The following CTNNA2 variants were observed in gnomAD, a reference collection of about 807,000 sequenced individuals.
The protein encoded by CTNNA2 is catenin alpha-2.
Under a neutral mutation model 101.0 loss-of-function variants are expected in CTNNA2, and 42 were observed. The observed-to-expected ratio is 0.42, with a 90% CI of 0.32 to 0.54. The LOEUF (loss-of-function observed/expected upper bound fraction) is 0.54, where lower values mean the gene tolerates loss of function less well. Among genes scored for constraint, CTNNA2 ranks in the 20% least tolerant of loss-of-function variants. The pLI is 0.14. For synonymous variants in CTNNA2, 450 were observed against 456.4 expected (o/e 0.99, Z 0.18); for missense variants, 871 against 1,223.1 (o/e 0.71, Z 4.29).
At chr2:79,536,989 G>A (rs911601814) in intron 1 of CTNNA2, among the ~76,000 whole-genome samples, 1 of 152,126 alleles carries the variant, frequency 6.6e-6, no homozygotes, top group African/African-American at 2.4e-5. Context: ...TTACATCTGT[G>A]TCTCTTGGTT....
chr2:80,251,858 C>T (rs1312771077), intron 7 of CTNNA2, among the ~76,000 whole-genome samples: 1 of 152,142 alleles, frequency 6.6e-6, no homozygotes, highest in Non-Finnish European at 1.5e-5. Context: ...CCAACTTTTA[C>T]CAGAAAATTG....
At chr2:79,952,487 T>A (rs1378564852) in intron 7 of CTNNA2, among the ~76,000 whole-genome samples, 2 of 152,210 alleles carry the variant, frequency 1.3e-5, no homozygotes, top group African/African-American at 4.8e-5. Context: ...ATTGAACACT[T>A]TCAAGGGGTG....
intron 7 of CTNNA2, among the ~76,000 whole-genome samples, chr2:80,199,596 G>T (rs1016247803): frequency 6.6e-6 from 1 of 152,210 alleles, no homozygotes; most frequent in African/African-American, 2.4e-5. Flanking sequence ...GAGGGAAAGG[G>T]CAGTACATTT....
rs188228836 is a variant in CTNNA2, at chr2:79,215,886, T to G, written c.-406+17810T>G. On this transcript the variant is annotated intron_variant, in intron 2 of 21. Transcript: ENST00000466387. ...GAAGAATTATGACCTAGCTCGGCCTTGCGAGGAAGGGAGAGGTCAGATGGG... is the reference window on the plus strand; with the variant it reads ...GAAGAATTATGACCTAGCTCGGCCTGGCGAGGAAGGGAGAGGTCAGATGGG... 2.1e-3 allele frequency among the ~76,000 whole-genome samples: 316 copies of G among 151,756 alleles called. 1 individual carries two copies. Among genetic ancestry groups the G allele is most frequent in the African/African-American group, 6.5e-3 (270 of 41,416 alleles).
At chr2:79,870,477 G>A (rs1203741699) in intron 5 of CTNNA2, among the ~76,000 whole-genome samples, 1 of 151,964 alleles carries the variant, frequency 6.6e-6, no homozygotes, top group African/African-American at 2.4e-5. Flanking sequence ...AGGGGAGTGG[G>A]GAAGGGGAGG....
chr2:79,714,810 TG>T lies in CTNNA2; in HGVS notation c.103-29576del, dbSNP rs1685965705. On this transcript the variant is annotated intron_variant, in intron 2 of 18. Coordinates refer to ENST00000402739, the MANE Select transcript of CTNNA2 (RefSeq NM_001282597.3). ...ACTTTTGAAACATTAATTACAGCTCTGTTTTTTGTATAAATTATAAAGGATG... is the reference window on the plus strand; with the variant it reads ...ACTTTTGAAACATTAATTACAGCTCTTTTTTTGTATAAATTATAAAGGATG... 2.6e-5 allele frequency among the ~76,000 whole-genome samples: 4 copies of T among 152,256 alleles called. No individual in the cohort carries two copies. The South Asian group carries it at 8.3e-4, about 32-fold the overall frequency.
At chr2:79,616,721 A>G (rs1035299725) in intron 1 of CTNNA2, among the ~76,000 whole-genome samples, 4 of 152,008 alleles carry the variant, frequency 2.6e-5, no homozygotes, top group Admixed American at 6.6e-5. Context: ...AAAAGACTTT[A>G]TGTTTATATG....
intron 7 of CTNNA2, among the ~76,000 whole-genome samples, chr2:80,105,733 C>CAAA (rs112127356): frequency 1.4e-5 from 2 of 143,120 alleles, no homozygotes; most frequent in African/African-American, 5.2e-5. Context: ...GATCTTGTCT[C>CAAA]AAAAAAAAAA....
At chr2:80,573,284 C>G (rs995453770) in intron 12 of CTNNA2, 1 of 152,166 alleles carries the variant, frequency 6.6e-6, no homozygotes, top group African/African-American at 2.4e-5. Flanking sequence ...GGAGGTGTTC[C>G]AGACGCTCCG....
At chr2:80,584,044 C>G (rs1695762317) in intron 14 of CTNNA2, among the ~76,000 whole-genome samples, 2 of 152,108 alleles carry the variant, frequency 1.3e-5, no homozygotes, top group African/African-American at 4.8e-5. Flanking sequence ...GATGACAAAT[C>G]AGAGACATGG....
chr2:79,643,874 C>A (rs555217399), intron 1 of CTNNA2, among the ~76,000 whole-genome samples: 1 of 152,128 alleles, frequency 6.6e-6, no homozygotes, highest in Non-Finnish European at 1.5e-5. Context: ...CACCCACATT[C>A]TTTTCCATGC....
At chr2:79,804,368 C>T (rs192066241) in intron 3 of CTNNA2, among the ~76,000 whole-genome samples, 36 of 152,270 alleles carry the variant, frequency 2.4e-4, no homozygotes, top group African/African-American at 7.9e-4. Context: ...ACCAAAATCA[C>T]ACAGTCACAC....
chr2:80,533,469 T>G (rs1478462785), intron 9 of CTNNA2, among the ~76,000 whole-genome samples: 1 of 152,202 alleles, frequency 6.6e-6, no homozygotes, highest in Non-Finnish European at 1.5e-5. Flanking sequence ...GATATGGCCT[T>G]GACTCCACAC....
chr2:79,624,421 T>C (rs751701574), intron 1 of CTNNA2, among the ~76,000 whole-genome samples: 75 of 152,136 alleles, frequency 4.9e-4, no homozygotes, highest in Non-Finnish European at 9.0e-4. Context: ...GTAATTAAAA[T>C]TGAAGAATGT....
chr2:80,242,964 GA>G (rs1292687068), intron 7 of CTNNA2, among the ~76,000 whole-genome samples: 1 of 152,274 alleles, frequency 6.6e-6, no homozygotes, highest in African/African-American at 2.4e-5. Context: ...ACAGTTTCTG[GA>G]GGTGCAAAAC....
At chr2:79,206,150 T>C (rs569919319) in intron 2 of CTNNA2, among the ~76,000 whole-genome samples, 2 of 152,302 alleles carry the variant, frequency 1.3e-5, no homozygotes, top group South Asian at 4.1e-4. Context: ...TAGGCATTAC[T>C]AAAATAAAGC....
At chr2:79,720,826 T>C (rs997946619) in intron 2 of CTNNA2, among the ~76,000 whole-genome samples, 9 of 152,116 alleles carry the variant, frequency 5.9e-5, no homozygotes, top group African/African-American at 2.2e-4. Context: ...TCAGGGAAGA[T>C]AGTTTTATTT....
intron 7 of CTNNA2, among the ~76,000 whole-genome samples, chr2:80,075,605 TATACATG>T (rs1698647041): frequency 1.9e-5 from 2 of 107,738 alleles, no homozygotes; most frequent in Non-Finnish European, 3.5e-5. Flanking sequence ...TATAAATATT[TATACATG>T]TATAAATATA....
At chr2:80,093,414 T>A (rs1311180674) in intron 7 of CTNNA2, among the ~76,000 whole-genome samples, 1 of 152,202 alleles carries the variant, frequency 6.6e-6, no homozygotes, top group Admixed American at 6.5e-5. Flanking sequence ...TTGTTGGACA[T>A]TTGGGTTGGT....
Sources: gnomAD v4.1 joint callset for allele counts (sites outside exome capture counted in the v4.1 genomes callset) on GRCh38, gnomAD v4.1.1 for gene constraint, MANE v1.5 for transcripts, NCBI Gene and HGNC (gene_info 2026-07-23, HGNC 2026-07-21) for gene names.